The following DAD1 variants were observed in gnomAD, a reference collection of about 807,000 sequenced individuals.
The protein encoded by DAD1 is dolichyl-diphosphooligosaccharide--protein glycosyltransferase subunit DAD1.
Under a neutral mutation model 9.0 loss-of-function variants are expected in DAD1, and 4 were observed. The observed-to-expected ratio is 0.44, with a 90% CI of 0.22 to 1.01. The LOEUF (loss-of-function observed/expected upper bound fraction) is 1.01. Ranked by LOEUF, DAD1 falls within the 50% of genes least tolerant of loss-of-function variation. DAD1 has a pLI of 0.24. For missense variants in DAD1, 119 were observed against 137.3 expected, an observed-to-expected ratio of 0.87 and a Z score of 0.67; for synonymous variants, 60 against 62.5, an observed-to-expected ratio of 0.96 and a Z score of 0.19.
intron 1 of DAD1, among the ~76,000 whole-genome samples, chr14:22,576,919 G>A (rs2037081185): frequency 6.6e-6 from 1 of 152,014 alleles, no homozygotes; most frequent in South Asian, 2.1e-4. Flanking sequence ...AAATTACAAC[G>A]AGATATCACC....
intron 1 of DAD1, among the ~76,000 whole-genome samples, chr14:22,584,447 G>A (rs2037139027): frequency 6.6e-6 from 1 of 152,118 alleles, no homozygotes; most frequent in African/African-American, 2.4e-5. Context: ...CAGGCATAGT[G>A]CTGTGTGCCT....
chr14:22,579,611 A>C (rs2037101529), intron 1 of DAD1, among the ~76,000 whole-genome samples: 1 of 152,224 alleles, frequency 6.6e-6, no homozygotes, highest in Non-Finnish European at 1.5e-5. Flanking sequence ...ATTAATATTT[A>C]AAATGATTTT....
intron 1 of DAD1, among the ~76,000 whole-genome samples, chr14:22,578,434 C>A (rs2037093109): frequency 6.6e-6 from 1 of 152,030 alleles, no homozygotes; most frequent in Non-Finnish European, 1.5e-5. Context: ...GGCATGGTGG[C>A]ACGCACCTGT....
chr14:22,580,933 A>C (rs1310719320), intron 1 of DAD1, among the ~76,000 whole-genome samples: 1 of 152,128 alleles, frequency 6.6e-6, no homozygotes, highest in Non-Finnish European at 1.5e-5. Flanking sequence ...TTGGAAACAA[A>C]AAAGGCAAAA....
chr14:22,575,060 T>A lies in DAD1; in HGVS notation c.*43A>T. On this transcript the variant is annotated splice_region_variant and 3_prime_UTR_variant, in exon 2 of 3. Coordinates refer to ENST00000250498, the MANE Select transcript of DAD1 (RefSeq NM_001344.4). ...ACAAGGACTATGATCATCACTTACA[T>A]TCTTTTAGTCTCCTACTCCTCAATT... 6.2e-7 allele frequency: 1 copy of A among 1,605,272 alleles called. No homozygotes were observed. Among genetic ancestry groups the A allele is most frequent in the South Asian group, 1.1e-5 (1 of 90,362 alleles).
intron 1 of DAD1, among the ~76,000 whole-genome samples, chr14:22,587,861 G>A (rs1053218467): frequency 1.3e-5 from 2 of 151,268 alleles, no homozygotes; most frequent in Non-Finnish European, 2.9e-5. Flanking sequence ...TCAGCCTCCC[G>A]AGTAGCTGGG....
In DAD1 at chr14:22,588,808, T is replaced by C. The variant is rs1181937420; in HGVS notation, c.211+139A>G. The C allele has an allele frequency of 7.0e-6, 6 of 860,496 alleles. No homozygotes were observed. The Middle Eastern group carries it at 1.4e-3, about 200-fold the overall frequency. 53.3% of individuals were successfully genotyped at this position (860,496 alleles called of 1,614,324 possible). A position where few individuals can be genotyped will look rare whatever the true frequency, so the allele number is the denominator to read the frequency against. ...TAATCTAAGCTTTCTGAGCCTCAAT[T>C]TCCCCATTCACAACAAAAGGGCAAT... is the stretch of plus-strand genomic sequence containing the variant. On this transcript the variant is annotated intron_variant, in intron 1 of 2. Transcript: ENST00000250498.
intron 1 of DAD1, among the ~76,000 whole-genome samples, chr14:22,584,956 G>A (rs1397881357): frequency 1.3e-5 from 2 of 152,200 alleles, no homozygotes; most frequent in Non-Finnish European, 2.9e-5. Flanking sequence ...CTAAAACAGA[G>A]GATGAAAAAG....
intron 1 of DAD1, among the ~76,000 whole-genome samples, chr14:22,581,391 TA>T (rs1487844295): frequency 6.6e-6 from 1 of 152,124 alleles, no homozygotes; most frequent in African/African-American, 2.4e-5. Flanking sequence ...ACCAACCATG[TA>T]AAAATCTGGG....
At chr14:22,571,408 A>G (rs897691656) in intron 2 of DAD1, among the ~76,000 whole-genome samples, 4 of 151,980 alleles carry the variant, frequency 2.6e-5, no homozygotes, top group African/African-American at 9.7e-5. Context: ...AAATCCACTG[A>G]GCTTCTTTCT....
At chr14:22,579,962 C>G (rs1264407549) in intron 1 of DAD1, among the ~76,000 whole-genome samples, 4 of 151,740 alleles carry the variant, frequency 2.6e-5, no homozygotes, top group African/African-American at 9.7e-5. Flanking sequence ...ACCTCAGCCC[C>G]CTGAGTAGCT....
intron 1 of DAD1, among the ~76,000 whole-genome samples, chr14:22,575,674 A>G (rs1050824496): frequency 1.3e-5 from 2 of 152,170 alleles, no homozygotes; most frequent in African/African-American, 4.8e-5. Flanking sequence ...CAGCCTCCCA[A>G]GTAGCCGGGA....
chr14:22,573,659 G>A (rs61972399), intron 2 of DAD1, among the ~76,000 whole-genome samples: 13,358 of 139,418 alleles, frequency 0.096, 1,129 homozygotes, highest in African/African-American at 0.23. Context: ...GCAGTGAGCC[G>A]AGATCGCACC....
intron 1 of DAD1, among the ~76,000 whole-genome samples, chr14:22,577,174 C>T (rs1327921603): frequency 1.3e-5 from 2 of 152,170 alleles, no homozygotes; most frequent in Non-Finnish European, 2.9e-5. Context: ...TGGTTCACAC[C>T]TGCAATCCCA....
At chr14:22,567,765 A>G (rs5742853) in intron 2 of DAD1, among the ~76,000 whole-genome samples, 14,284 of 152,236 alleles carry the variant, frequency 0.094, 1,233 homozygotes, top group African/African-American at 0.23. Context: ...TCTGTTGGAC[A>G]GTGCTGGTCC....
At chr14:22,584,689 G>C (rs944537262) in intron 1 of DAD1, among the ~76,000 whole-genome samples, 1 of 152,216 alleles carries the variant, frequency 6.6e-6, no homozygotes, top group Non-Finnish European at 1.5e-5. Flanking sequence ...GCTCAATACT[G>C]TTGGAGCAGA....
intron 1 of DAD1, among the ~76,000 whole-genome samples, chr14:22,581,202 G>T (rs889629239): frequency 1.3e-5 from 2 of 152,194 alleles, no homozygotes; most frequent in Admixed American, 1.3e-4. Context: ...CTCCTATGGA[G>T]AGAAACATAT....
chr14:22,576,069 G>A (rs182897631), intron 1 of DAD1, among the ~76,000 whole-genome samples: 438 of 152,090 alleles, frequency 2.9e-3, no homozygotes, highest in African/African-American at 0.01. Flanking sequence ...GGGTCTGGTG[G>A]TGCTGCCCAG....
intron 2 of DAD1, among the ~76,000 whole-genome samples, chr14:22,569,800 CAAATA>C (rs1373663420): frequency 1.3e-5 from 2 of 151,996 alleles, no homozygotes; most frequent in African/African-American, 4.8e-5. Flanking sequence ...CACTTTTTAG[CAAATA>C]AAATAAGTAG....
Sources: gnomAD v4.1 joint callset for allele counts (sites outside exome capture counted in the v4.1 genomes callset) on GRCh38, gnomAD v4.1.1 for gene constraint, MANE v1.5 for transcripts, NCBI Gene and HGNC (gene_info 2026-07-23, HGNC 2026-07-21) for gene names.